CCSER1: variants seen among roughly 807,000 people sequenced by gnomAD.
CCSER1 encodes the protein serine-rich coiled-coil domain-containing protein 1.
CCSER1 carries 41 observed loss-of-function variants against 82.0 expected under a neutral mutation model. The observed-to-expected ratio is 0.50, with a 90% CI of 0.39 to 0.65. The LOEUF is 0.65. Ranked by LOEUF, CCSER1 falls within the 30% of genes least tolerant of loss-of-function variation. The pLI is 0.00. For synonymous variants in CCSER1, 414 were observed against 383.9 expected (o/e 1.08, Z -0.92); for missense variants, 1,119 against 1,064.2 (o/e 1.05, Z -0.72).
intron 5 of CCSER1, among the ~76,000 whole-genome samples, chr4:90,519,955 T>C (rs1489020499): frequency 6.6e-6 from 1 of 152,074 alleles, no homozygotes; most frequent in Admixed American, 6.5e-5. Context: ...AAATGTGTAG[T>C]ACAGTGGTTA....
chr4:90,979,171 G>A (rs1455844549), intron 9 of CCSER1, among the ~76,000 whole-genome samples: 2 of 150,946 alleles, frequency 1.3e-5, no homozygotes, highest in Non-Finnish European at 1.5e-5. Context: ...TTATATTTAA[G>A]GTGTGTATAT....
At chr4:91,520,666 T>G (rs973482574) in intron 10 of CCSER1, among the ~76,000 whole-genome samples, 1 of 152,328 alleles carries the variant, frequency 6.6e-6, no homozygotes, top group Non-Finnish European at 1.5e-5. Context: ...GTCTGTTTTT[T>G]CAGCTTAATG....
At chr4:90,502,892 G>C (rs1770128399) in intron 5 of CCSER1, among the ~76,000 whole-genome samples, 2 of 152,046 alleles carry the variant, frequency 1.3e-5, no homozygotes, top group South Asian at 4.2e-4. Flanking sequence ...TTCCTCAAAG[G>C]TGTTTTCTCA....
rs192746020 is a variant in CCSER1, at chr4:90,848,817, G to C, written c.2094+32972G>C. On this transcript the variant is annotated intron_variant, in intron 8 of 10. Coordinates refer to ENST00000509176, the MANE Select transcript of CCSER1 (RefSeq NM_001145065.2). ...GTGTTAGTGAGTTCTCACGAGATCT[G>C]ATGGTTTTATTTATTTTATATATAT... Among the ~76,000 whole-genome samples the C allele has an allele frequency of 2.0e-3, 302 of 152,282 alleles. 1 individual carries two copies. Among genetic ancestry groups the C allele is most frequent in the Non-Finnish European group, 2.2e-3 (153 of 68,036 alleles).
At chr4:90,610,865 G>C (rs1292259171) in intron 5 of CCSER1, among the ~76,000 whole-genome samples, 1 of 151,772 alleles carries the variant, frequency 6.6e-6, no homozygotes, top group African/African-American at 2.4e-5. Flanking sequence ...ATTGCCATCA[G>C]TTGATATTCT....
At chr4:91,254,866 G>T (rs1740556984) in intron 10 of CCSER1, among the ~76,000 whole-genome samples, 1 of 151,990 alleles carries the variant, frequency 6.6e-6, no homozygotes, top group Non-Finnish European at 1.5e-5. Flanking sequence ...GCATATTATA[G>T]CATCGCTAGA....
chr4:90,532,572 C>T (rs1774667441), intron 5 of CCSER1, among the ~76,000 whole-genome samples: 1 of 152,044 alleles, frequency 6.6e-6, no homozygotes, highest in African/African-American at 2.4e-5. Context: ...CTTTGCATAA[C>T]ATATGGTGCC....
intron 10 of CCSER1, among the ~76,000 whole-genome samples, chr4:91,450,134 G>A (rs1755793082): frequency 6.6e-6 from 1 of 152,012 alleles, no homozygotes; most frequent in South Asian, 2.1e-4. Context: ...TATACAGGAT[G>A]GGTCGTCATG....
chr4:90,270,238 T>C lies in CCSER1; in HGVS notation c.-41-38006T>C, dbSNP rs192870867. 2.6e-3 allele frequency among the ~76,000 whole-genome samples: 393 copies of C among 152,170 alleles called. 2 individuals carry two copies. Among genetic ancestry groups the C allele is most frequent in the African/African-American group, 8.5e-3 (352 of 41,566 alleles). ...AAAGGAAAACTACAGGTCAATATCA[T>C]TGATAAACGTTGATTCGGAAATACT... On this transcript the variant is annotated intron_variant, in intron 1 of 10. Transcript: ENST00000509176.
intron 10 of CCSER1, among the ~76,000 whole-genome samples, chr4:91,595,955 A>C (rs1764552515): frequency 1.3e-5 from 2 of 151,214 alleles, no homozygotes; most frequent in South Asian, 2.1e-4. Flanking sequence ...AAAAAAAAAA[A>C]AAAAAAAAAA....
chr4:90,623,665 C>G (rs571824331), intron 5 of CCSER1, among the ~76,000 whole-genome samples: 2 of 152,200 alleles, frequency 1.3e-5, no homozygotes, highest in East Asian at 3.9e-4. Flanking sequence ...ACTACACTTA[C>G]TATAGAGGGA....
chr4:91,487,684 T>G (rs1758294025), intron 10 of CCSER1, among the ~76,000 whole-genome samples: 1 of 152,104 alleles, frequency 6.6e-6, no homozygotes, highest in African/African-American at 2.4e-5. Flanking sequence ...ATAATTTTAA[T>G]TTCCTTTAAA....
At chr4:90,480,592 A>G (rs115983538) in intron 5 of CCSER1, among the ~76,000 whole-genome samples, 3,831 of 152,264 alleles carry the variant, frequency 0.025, 71 homozygotes, top group Non-Finnish European at 0.036. Context: ...AACTTTCTCC[A>G]TGTGGCGAGG....
At chr4:90,933,237 G>C (rs1170763442) in intron 9 of CCSER1, among the ~76,000 whole-genome samples, 1 of 150,946 alleles carries the variant, frequency 6.6e-6, no homozygotes, top group Non-Finnish European at 1.5e-5. Context: ...GCCGAGGCTG[G>C]AGTGCGGAGG....
At chr4:91,022,748 C>G (rs908478294) in intron 9 of CCSER1, among the ~76,000 whole-genome samples, 4 of 152,204 alleles carry the variant, frequency 2.6e-5, no homozygotes, top group African/African-American at 4.8e-5. Context: ...ATTTGCATTT[C>G]TCTGATGGCC....
intron 1 of CCSER1, among the ~76,000 whole-genome samples, chr4:90,300,974 T>G (rs1406553725): frequency 6.6e-6 from 1 of 152,064 alleles, no homozygotes; most frequent in African/African-American, 2.4e-5. Context: ...AACAGGTGTG[T>G]GCCACCATGC....
intron 8 of CCSER1, among the ~76,000 whole-genome samples, chr4:90,872,014 G>A (rs1476087315): frequency 9.3e-5 from 14 of 151,090 alleles, no homozygotes. Flanking sequence ...CATTTTCATG[G>A]AATATCTTTT....
At chr4:91,533,567 A>G (rs1225668723) in intron 10 of CCSER1, among the ~76,000 whole-genome samples, 1 of 152,180 alleles carries the variant, frequency 6.6e-6, no homozygotes, top group Non-Finnish European at 1.5e-5. Context: ...TCAATTTTGC[A>G]GAAGGCTGGC....
chr4:91,260,770 A>G (rs1333979765), intron 10 of CCSER1, among the ~76,000 whole-genome samples: 1 of 149,920 alleles, frequency 6.7e-6, no homozygotes, highest in Non-Finnish European at 1.5e-5. Flanking sequence ...TTATTTTTTT[A>G]TTTTTTTTGA....
Sources: gnomAD v4.1 joint callset for allele counts (sites outside exome capture counted in the v4.1 genomes callset) on GRCh38, gnomAD v4.1.1 for gene constraint, MANE v1.5 for transcripts, NCBI Gene and HGNC (gene_info 2026-07-23, HGNC 2026-07-21) for gene names.